The following CERS6 variants were observed in gnomAD, a reference collection of about 807,000 sequenced individuals.
The protein encoded by CERS6 is LAG1 homolog, ceramide synthase 6.
A neutral mutation model predicts 56.8 loss-of-function variants in CERS6; 26 were observed. That is an observed-to-expected ratio of 0.46 (90% confidence interval 0.34 to 0.63). The LOEUF (loss-of-function observed/expected upper bound fraction) is 0.63, where lower values mean the gene tolerates loss of function less well. CERS6 is among the 30% of genes least tolerant of loss of function. CERS6 has a pLI of 0.01. For missense variants in CERS6, 415 were observed against 467.5 expected, an observed-to-expected ratio of 0.89 and a Z score of 1.04; for synonymous variants, 164 against 173.3, an observed-to-expected ratio of 0.95 and a Z score of 0.42.
chr2:168,625,505 C>T (rs1684570945), intron 3 of CERS6, among the ~76,000 whole-genome samples: 1 of 152,306 alleles, frequency 6.6e-6, no homozygotes, highest in African/African-American at 2.4e-5. Context: ...AGTTTAGGAA[C>T]TATTCTTTGC....
chr2:168,720,492 G>C, intron 8 of CERS6, among the ~76,000 whole-genome samples: 1 of 152,102 alleles, frequency 6.6e-6, no homozygotes, highest in Non-Finnish European at 1.5e-5. Flanking sequence ...ACATTCTTAA[G>C]TCTGCTGTTT....
In CERS6 at chr2:168,547,656, TC is replaced by T. The variant is rs1347640558; in HGVS notation, c.233del (p.Pro78ArgfsTer52). ...TTCAGGCCAATGGACCACAAATTGC[TC>T]CGCCCAATGCCATTCTGGAAAAGGT... ...NIQANGPQIA[P>X]PNAILEKVFT... is the part of the protein sequence containing the mutation. On this transcript the variant is annotated frameshift_variant, in exon 2 of 10. Transcript: ENST00000305747. LOFTEE classifies it high-confidence loss of function. 1 of 1,613,854 alleles carries T rather than the reference TC, an allele frequency of 6.2e-7. No homozygotes were observed. The highest frequency in any genetic ancestry group is 8.5e-7 in the Non-Finnish European group (1 of 1,179,814).
intron 8 of CERS6, among the ~76,000 whole-genome samples, chr2:168,761,133 T>C (rs1684569731): frequency 5.3e-5 from 8 of 152,210 alleles, no homozygotes; most frequent in Admixed American, 5.2e-4. Context: ...ATATTGTTTT[T>C]CTTACCATGC....
At chr2:168,490,852 T>G (rs1163564508) in intron 1 of CERS6, among the ~76,000 whole-genome samples, 1 of 152,110 alleles carries the variant, frequency 6.6e-6, no homozygotes, top group Non-Finnish European at 1.5e-5. Flanking sequence ...GTGTGTATAA[T>G]GTCAACAGAC....
chr2:168,577,809 G>A (rs547055606), intron 3 of CERS6, among the ~76,000 whole-genome samples: 1 of 152,210 alleles, frequency 6.6e-6, no homozygotes, highest in Non-Finnish European at 1.5e-5. Flanking sequence ...GGAAGTATTA[G>A]CATTTTGAGG....
chr2:168,482,318 C>A (rs3956565), intron 1 of CERS6, among the ~76,000 whole-genome samples: 11,022 of 152,270 alleles, frequency 0.072, 451 homozygotes, highest in East Asian at 0.18. Context: ...CTTGGAAGTT[C>A]GTGGAACAAA....
chr2:168,582,990 T>C (rs964871432), intron 3 of CERS6: 7 of 154,018 alleles, frequency 4.5e-5, no homozygotes, highest in African/African-American at 1.7e-4. Flanking sequence ...AAACAGACAA[T>C]TGCCTAACAT....
chr2:168,550,985 G>A (rs993766514), intron 2 of CERS6, among the ~76,000 whole-genome samples: 9 of 152,186 alleles, frequency 5.9e-5, no homozygotes, highest in African/African-American at 1.2e-4. Flanking sequence ...CACATTTGGC[G>A]GAAGTGGTGG....
rs1171407742 is a variant in CERS6 at position 168,727,430 on chromosome 2, TC to T, written c.845+9455del. ...CGGGTGTGGTGGCATGCGCCTGTAG[TC>T]CCAGCTACTCAGGAGGCTGAGGCAG... On this transcript the variant is annotated intron_variant, in intron 8 of 9. Transcript: ENST00000305747. Among the ~76,000 whole-genome samples the T allele has an allele frequency of 2.0e-5, 3 of 151,924 alleles. No homozygotes were observed. The East Asian group carries it at 5.8e-4, about 29-fold the overall frequency.
chr2:168,567,396 A>G (rs970229888), intron 3 of CERS6, among the ~76,000 whole-genome samples: 3 of 152,242 alleles, frequency 2.0e-5, no homozygotes, highest in Non-Finnish European at 2.9e-5. Flanking sequence ...ATTTTAGATC[A>G]TATGGACTTT....
chr2:168,487,097 G>A (rs1244240868), intron 1 of CERS6, among the ~76,000 whole-genome samples: 1 of 152,120 alleles, frequency 6.6e-6, no homozygotes, highest in African/African-American at 2.4e-5. Flanking sequence ...GCAGCAGAAT[G>A]ATTTTGTTTT....
chr2:168,640,372 C>G (rs1369629608), intron 4 of CERS6, among the ~76,000 whole-genome samples: 1 of 152,192 alleles, frequency 6.6e-6, no homozygotes, highest in Non-Finnish European at 1.5e-5. Context: ...AAAGGGTGTT[C>G]CATTCCTGGC....
At chr2:168,593,843 A>G (rs1239382563) in intron 3 of CERS6, among the ~76,000 whole-genome samples, 1 of 152,220 alleles carries the variant, frequency 6.6e-6, no homozygotes, top group Non-Finnish European at 1.5e-5. Context: ...GGAACCCTAA[A>G]CTAAGTCTCC....
At chr2:168,530,706 T>C (rs977899012) in intron 1 of CERS6, among the ~76,000 whole-genome samples, 3 of 152,198 alleles carry the variant, frequency 2.0e-5, no homozygotes, top group Non-Finnish European at 4.4e-5. Flanking sequence ...ATCCTGGGAA[T>C]GTGTAGCAAG....
At chr2:168,464,174 TTGTGTGTGTG>T (rs35372610) in intron 1 of CERS6, among the ~76,000 whole-genome samples, 6,132 of 139,778 alleles carry the variant, frequency 0.044, 253 homozygotes, top group African/African-American at 0.11. Context: ...TTTATACTTT[TTGTGTGTGTG>T]TGTGTGTGTG....
At chr2:168,528,331 G>GT (rs2105360601) in intron 1 of CERS6, among the ~76,000 whole-genome samples, 1 of 152,308 alleles carries the variant, frequency 6.6e-6, no homozygotes, top group South Asian at 2.1e-4. Flanking sequence ...GCCATCTCTA[G>GT]TGGGGGGCTG....
intron 3 of CERS6, among the ~76,000 whole-genome samples, chr2:168,588,305 G>A (rs758720349): frequency 1.3e-5 from 2 of 152,018 alleles, no homozygotes; most frequent in Non-Finnish European, 2.9e-5. Flanking sequence ...AGTGGCTTCT[G>A]CGTACATTCA....
At chr2:168,516,094 C>T (rs1694879431) in intron 1 of CERS6, among the ~76,000 whole-genome samples, 1 of 152,142 alleles carries the variant, frequency 6.6e-6, no homozygotes, top group African/African-American at 2.4e-5. Context: ...AGGTAGTTTC[C>T]AGAATATTCA....
chr2:168,548,855 A>C (rs1200154926), intron 2 of CERS6, among the ~76,000 whole-genome samples: 1 of 152,202 alleles, frequency 6.6e-6, no homozygotes, highest in African/African-American at 2.4e-5. Flanking sequence ...CTCTGCTAGG[A>C]AGAAGAGAAG....
Sources: allele counts gnomAD v4.1 joint callset (sites outside exome capture counted in the v4.1 genomes callset), GRCh38; gene constraint gnomAD v4.1.1; transcripts MANE v1.5; gene names NCBI Gene and HGNC (gene_info 2026-07-23, HGNC 2026-07-21).